CDKAL1: variants seen among roughly 807,000 people sequenced by gnomAD.
CDKAL1 encodes threonylcarbamoyladenosine tRNA methylthiotransferase.
CDKAL1 carries 32 observed loss-of-function variants against 68.2 expected under a neutral mutation model. The observed-to-expected ratio is 0.47, with a 90% confidence interval of 0.35 to 0.63. CDKAL1 has a LOEUF of 0.63. Among genes scored for constraint, CDKAL1 ranks in the 30% least tolerant of loss-of-function variants. The pLI, the probability that CDKAL1 is intolerant of heterozygous loss-of-function variation, is 0.00. For missense variants in CDKAL1, 606 were observed against 696.7 expected (o/e 0.87, Z 1.47); for synonymous variants, 234 against 244.3 (o/e 0.96, Z 0.39).
chr6:20,756,899 CCT>C (rs1561750547), intron 6 of CDKAL1: 12 of 103,698 alleles, frequency 1.2e-4, no homozygotes, highest in African/African-American at 3.9e-4. Context: ...TTCCTTCCTT[CCT>C]TCCTTCCTTC....
At chr6:20,547,057 A>G (rs1482009117) in intron 3 of CDKAL1, among the ~76,000 whole-genome samples, 1 of 152,054 alleles carries the variant, frequency 6.6e-6, no homozygotes. Context: ...CATACTTTCC[A>G]GTTGAGTATT....
At chr6:20,773,736 T>C (rs1263546815) in intron 7 of CDKAL1, among the ~76,000 whole-genome samples, 1 of 152,014 alleles carries the variant, frequency 6.6e-6, no homozygotes, top group Non-Finnish European at 1.5e-5. Context: ...TTAGTAGAGA[T>C]GGGGTTTCAC....
At chr6:21,222,249 G>A (rs568345881) in intron 15 of CDKAL1, among the ~76,000 whole-genome samples, 1 of 152,250 alleles carries the variant, frequency 6.6e-6, no homozygotes, top group South Asian at 2.1e-4. Flanking sequence ...TGATTGTAAT[G>A]ACCTGATAGC....
At position 20,756,876 on chromosome 6, in the gene CDKAL1, CTTCCTT is replaced by C. The variant is rs1561750196; in HGVS notation, c.469-1718_469-1713del. ...CTCCCCTTCCTTCCTTCCTTCCTTC[CTTCCTT>C]CCTTCCTTCCTTCCTTCCTTCCTTC... On this transcript the variant is annotated intron_variant, in intron 6 of 15. Coordinates refer to ENST00000274695, the MANE Select transcript of CDKAL1 (RefSeq NM_017774.3). 64 of 74,528 alleles carry C rather than the reference CTTCCTT, an allele frequency of 8.6e-4. 1 individual carries two copies. The highest frequency in any genetic ancestry group is 3.0e-3 in the African/African-American group (61 of 20,352). The allele number at this position is 74,528 out of a possible 1,614,324, so 4.6% of individuals were successfully genotyped here.
intron 10 of CDKAL1, among the ~76,000 whole-genome samples, chr6:20,957,795 A>G (rs1025926600): frequency 3.3e-5 from 5 of 151,924 alleles, no homozygotes; most frequent in African/African-American, 1.2e-4. Flanking sequence ...ACATGGTGAA[A>G]CCCCGTCTCT....
intron 9 of CDKAL1, among the ~76,000 whole-genome samples, chr6:20,939,793 A>G (rs952114860): frequency 2.0e-5 from 3 of 152,164 alleles, no homozygotes; most frequent in Non-Finnish European, 4.4e-5. Context: ...ATTTTTTCCT[A>G]AACAAGAAAA....
chr6:20,725,751 T>A (rs1354236124), intron 5 of CDKAL1, among the ~76,000 whole-genome samples: 1 of 146,846 alleles, frequency 6.8e-6, no homozygotes, highest in Non-Finnish European at 1.5e-5. Context: ...GCCATTGTGC[T>A]GCAGCCTGGG....
intron 13 of CDKAL1, among the ~76,000 whole-genome samples, chr6:21,170,156 G>T (rs113075303): frequency 2.6e-5 from 4 of 152,292 alleles, no homozygotes; most frequent in African/African-American, 9.6e-5. Context: ...CTGATAAAAT[G>T]CTGGAAGCAT....
At chr6:21,146,457 A>G (rs1403546036) in intron 13 of CDKAL1, among the ~76,000 whole-genome samples, 1 of 152,188 alleles carries the variant, frequency 6.6e-6, no homozygotes, top group Non-Finnish European at 1.5e-5. Context: ...AAAGGTGGAA[A>G]GAGCCAATTG....
At chr6:20,575,692 TATTTC>T (rs1764881996) in intron 4 of CDKAL1, among the ~76,000 whole-genome samples, 1 of 152,154 alleles carries the variant, frequency 6.6e-6, no homozygotes, top group Non-Finnish European at 1.5e-5. Context: ...TCTTCGAAAA[TATTTC>T]AGTATAGCAC....
intron 8 of CDKAL1, among the ~76,000 whole-genome samples, chr6:20,786,164 G>T (rs1396776358): frequency 1.3e-5 from 2 of 152,278 alleles, no homozygotes; most frequent in East Asian, 1.9e-4. Flanking sequence ...AGTGGATGTT[G>T]CAGTGAGCTG....
intron 4 of CDKAL1, among the ~76,000 whole-genome samples, chr6:20,562,483 C>G (rs983861953): frequency 1.3e-5 from 2 of 152,094 alleles, no homozygotes; most frequent in Non-Finnish European, 2.9e-5. Context: ...GGCCTGGTGG[C>G]TCACGCCTGT....
At chr6:20,571,676 T>A (rs771747538) in intron 4 of CDKAL1, among the ~76,000 whole-genome samples, 6 of 151,922 alleles carry the variant, frequency 3.9e-5, no homozygotes, top group Non-Finnish European at 8.8e-5. Context: ...ATTATTTGAC[T>A]TGGGAGACAA....
intron 13 of CDKAL1, among the ~76,000 whole-genome samples, chr6:21,136,752 G>C (rs941305900): frequency 1.3e-5 from 2 of 152,090 alleles, no homozygotes; most frequent in African/African-American, 2.4e-5. Context: ...ATGGTCCCAA[G>C]GTACCTTTTT....
At chr6:20,909,518 T>G (rs1344965380) in intron 9 of CDKAL1, among the ~76,000 whole-genome samples, 1 of 152,252 alleles carries the variant, frequency 6.6e-6, no homozygotes, top group Non-Finnish European at 1.5e-5. Flanking sequence ...TGAGATTTAC[T>G]TAAATGCTTT....
intron 4 of CDKAL1, among the ~76,000 whole-genome samples, chr6:20,618,453 A>G (rs1167565769): frequency 6.6e-6 from 1 of 152,082 alleles, no homozygotes; most frequent in East Asian, 1.9e-4. Flanking sequence ...TTTTGTTGCC[A>G]TTGCTTTTGC....
chr6:21,224,854 T>C (rs930628953), intron 15 of CDKAL1, among the ~76,000 whole-genome samples: 1 of 152,238 alleles, frequency 6.6e-6, no homozygotes, highest in African/African-American at 2.4e-5. Context: ...ATTTATACTA[T>C]GTAGTATTGG....
chr6:21,044,024 T>A (rs2150899944), intron 11 of CDKAL1, among the ~76,000 whole-genome samples: 1 of 152,358 alleles, frequency 6.6e-6, no homozygotes, highest in Non-Finnish European at 1.5e-5. Flanking sequence ...ATTCTATTGA[T>A]GTCACACTTT....
intron 12 of CDKAL1, among the ~76,000 whole-genome samples, chr6:21,093,271 C>T (rs1185426183): frequency 6.6e-6 from 1 of 152,202 alleles, no homozygotes; most frequent in Non-Finnish European, 1.5e-5. Flanking sequence ...GATTCCTTCC[C>T]TATTTTGAAG....
Sources: gnomAD v4.1 joint callset for allele counts (sites outside exome capture counted in the v4.1 genomes callset) on GRCh38, gnomAD v4.1.1 for gene constraint, MANE v1.5 for transcripts, NCBI Gene and HGNC (gene_info 2026-07-23, HGNC 2026-07-21) for gene names.